HCN1: variants seen among roughly 807,000 people sequenced by gnomAD.
The protein encoded by HCN1 is hyperpolarization activated cyclic nucleotide gated potassium channel 1, also known as potassium/sodium hyperpolarization-activated cyclic nucleotide-gated channel 1.
HCN1 carries 13 observed loss-of-function variants against 78.9 expected under a neutral mutation model. The observed-to-expected ratio is 0.16, with a 90% confidence interval of 0.11 to 0.26. HCN1 has a LOEUF of 0.26. HCN1 is among the 10% of genes least tolerant of loss of function. The probability of loss-of-function intolerance (pLI) is 1.00; values close to 1 mark genes in which losing one functional copy is unlikely to be tolerated. For synonymous variants in HCN1, 552 were observed against 455.5 expected (o/e 1.21, Z -2.70); for missense variants, 810 against 1,154.3 (o/e 0.70, Z 4.32).
intron 2 of HCN1, among the ~76,000 whole-genome samples, chr5:45,499,808 A>G (rs1393470245): frequency 6.6e-6 from 1 of 152,212 alleles, no homozygotes; most frequent in Non-Finnish European, 1.5e-5. Flanking sequence ...CATAGTAGAA[A>G]TGAAAGGCTT....
chr5:45,552,565 G>C (rs1448269011), intron 2 of HCN1, among the ~76,000 whole-genome samples: 2 of 152,028 alleles, frequency 1.3e-5, no homozygotes, highest in South Asian at 4.1e-4. Flanking sequence ...GACTTCTATG[G>C]TAAAGCTATC....
In HCN1 at chr5:45,259,835, GTTAA is replaced by G. The variant is rs1024842626; in HGVS notation, c.*2082_*2085del. Reference sequence around the variant, plus strand: ...CAATACGTAATCTTAATAAATTGAAGTTAATTCTCATATTTTAATAAAATAAAGG... The same window carrying G: ...CAATACGTAATCTTAATAAATTGAAGTTCTCATATTTTAATAAAATAAAGG... On this transcript the variant is annotated 3_prime_UTR_variant, in exon 8 of 8. Coordinates refer to ENST00000303230, the MANE Select transcript of HCN1 (RefSeq NM_021072.4). 15 of 152,466 alleles carry G rather than the reference GTTAA, an allele frequency of 9.8e-5. No homozygotes were observed. The highest frequency in any genetic ancestry group is 3.4e-4 in the African/African-American group (14 of 41,404). The allele number at this position is 152,466 out of a possible 1,614,324, so 9.4% of individuals were successfully genotyped here.
chr5:45,695,827 C>A lies in HCN1; in HGVS notation c.267G>T (p.Arg89=), dbSNP rs775226551. Residue 89 remains arginine, a synonymous_variant, in exon 1 of 8, where the codon CGG becomes CGT. Coordinates refer to ENST00000303230, the MANE Select transcript of HCN1 (RefSeq NM_021072.4). ...ACTGCCTCTGCATGAAGCCGTACTG[C>A]CGCCGGGGCCCCTCGGCGTCTTCGA... is the stretch of plus-strand genomic sequence containing the variant. ...GGFEDAEGPR[R]QYGFMQRQFT... is the part of the protein sequence containing the mutation. The A allele has an allele frequency of 1.9e-6, 3 of 1,605,730 alleles. No homozygotes were observed. In the South Asian group the frequency reaches 3.3e-5, roughly 18 times the overall value.
chr5:45,537,763 T>C (rs906481775), intron 2 of HCN1, among the ~76,000 whole-genome samples: 4 of 151,960 alleles, frequency 2.6e-5, no homozygotes, highest in African/African-American at 9.7e-5. Context: ...CTCTTCTTAC[T>C]TGAGTATTTG....
At chr5:45,572,374 T>C (rs1743853925) in intron 2 of HCN1, among the ~76,000 whole-genome samples, 1 of 152,140 alleles carries the variant, frequency 6.6e-6, no homozygotes, top group South Asian at 2.1e-4. Flanking sequence ...TACTTAACCA[T>C]AAAACTTCAT....
chr5:45,417,424 C>T (rs1315173152), intron 3 of HCN1, among the ~76,000 whole-genome samples: 1 of 151,884 alleles, frequency 6.6e-6, no homozygotes, highest in African/African-American at 2.4e-5. Flanking sequence ...TTTGTATTTA[C>T]TAAGTCCTGT....
chr5:45,590,022 A>C (rs1374974209), intron 2 of HCN1, among the ~76,000 whole-genome samples: 4 of 152,182 alleles, frequency 2.6e-5, no homozygotes, highest in African/African-American at 9.7e-5. Context: ...TAATTACTCC[A>C]CTTATACATA....
At chr5:45,455,956 C>A (rs1741021269) in intron 3 of HCN1, among the ~76,000 whole-genome samples, 1 of 151,828 alleles carries the variant, frequency 6.6e-6, no homozygotes, top group Non-Finnish European at 1.5e-5. Flanking sequence ...GTGTCCCTGT[C>A]ACATTGTTTC....
chr5:45,552,440 G>A (rs1167610264), intron 2 of HCN1, among the ~76,000 whole-genome samples: 4 of 151,760 alleles, frequency 2.6e-5, no homozygotes, highest in Non-Finnish European at 5.9e-5. Flanking sequence ...ATGCAACTGT[G>A]GAACAAAAAA....
intron 5 of HCN1, among the ~76,000 whole-genome samples, chr5:45,322,261 A>G (rs975540656): frequency 6.6e-6 from 1 of 151,866 alleles, no homozygotes; most frequent in Non-Finnish European, 1.5e-5. Flanking sequence ...CATTGAAATT[A>G]TATGCAAATA....
At chr5:45,334,824 A>G (rs1199198054) in intron 5 of HCN1, among the ~76,000 whole-genome samples, 1 of 152,024 alleles carries the variant, frequency 6.6e-6, no homozygotes, top group African/African-American at 2.4e-5. Context: ...CTTAAAATTT[A>G]TAAGATGCTG....
At chr5:45,376,084 T>C (rs1401633347) in intron 4 of HCN1, among the ~76,000 whole-genome samples, 1 of 108,890 alleles carries the variant, frequency 9.2e-6, no homozygotes, top group Non-Finnish European at 1.6e-5. Flanking sequence ...TAATATATAT[T>C]ATATTATATA....
intron 2 of HCN1, among the ~76,000 whole-genome samples, chr5:45,466,337 A>G (rs1275940632): frequency 3.3e-5 from 5 of 152,192 alleles, no homozygotes; most frequent in Admixed American, 6.6e-5. Flanking sequence ...AAATAATTGA[A>G]GACTCTTTAT....
intron 1 of HCN1, among the ~76,000 whole-genome samples, chr5:45,682,087 A>G (rs1193965384): frequency 6.6e-6 from 1 of 151,904 alleles, no homozygotes; most frequent in Non-Finnish European, 1.5e-5. Context: ...TAGTGAAAAG[A>G]CAGCCATTTG....
At chr5:45,475,515 T>TA (rs1313500016) in intron 2 of HCN1, among the ~76,000 whole-genome samples, 1 of 152,098 alleles carries the variant, frequency 6.6e-6, no homozygotes, top group African/African-American at 2.4e-5. Flanking sequence ...AAATTGACTC[T>TA]AAAAAATGAG....
intron 5 of HCN1, among the ~76,000 whole-genome samples, chr5:45,305,862 G>A (rs778055856): frequency 4.0e-5 from 6 of 150,144 alleles, no homozygotes; most frequent in Non-Finnish European, 7.4e-5. Context: ...AGGAAGGGAA[G>A]GAGGGAGGGA....
intron 5 of HCN1, among the ~76,000 whole-genome samples, chr5:45,336,879 C>T (rs2111959854): frequency 6.6e-6 from 1 of 152,016 alleles, no homozygotes; most frequent in South Asian, 2.1e-4. Context: ...GCACTGATCC[C>T]ATTCATGAGG....
chr5:45,678,200 G>A (rs968189869), intron 1 of HCN1, among the ~76,000 whole-genome samples: 2 of 151,824 alleles, frequency 1.3e-5, no homozygotes, highest in African/African-American at 4.8e-5. Flanking sequence ...GATTCCCTTA[G>A]GTGAAATATC....
chr5:45,375,156 T>C (rs191615125), intron 4 of HCN1, among the ~76,000 whole-genome samples: 16,268 of 120,558 alleles, frequency 0.13, 1,514 homozygotes, highest in Middle Eastern at 0.24. Context: ...TAATGTATTA[T>C]ATATAATATA....
Sources: gnomAD v4.1 joint callset for allele counts (sites outside exome capture counted in the v4.1 genomes callset) on GRCh38, gnomAD v4.1.1 for gene constraint, MANE v1.5 for transcripts, NCBI Gene and HGNC (gene_info 2026-07-23, HGNC 2026-07-21) for gene names.